MACROD2: variants seen among roughly 807,000 people sequenced by gnomAD.
The protein encoded by MACROD2 is ADP-ribose glycohydrolase MACROD2.
MACROD2 carries 36 observed loss-of-function variants against 70.4 expected under a neutral mutation model. The ratio of observed to expected loss-of-function variants is 0.51; its 90% confidence interval spans 0.39 to 0.68. The LOEUF is 0.68. MACROD2 is among the 30% of genes least tolerant of loss of function. The pLI is 0.00. For synonymous variants in MACROD2, 172 were observed against 178.8 expected, an observed-to-expected ratio of 0.96 and a Z score of 0.30; for missense variants, 496 against 538.4, an observed-to-expected ratio of 0.92 and a Z score of 0.78.
At chr20:15,684,670 G>C (rs1196841123) in intron 8 of MACROD2, among the ~76,000 whole-genome samples, 3 of 152,208 alleles carry the variant, frequency 2.0e-5, no homozygotes, top group Admixed American at 2.0e-4. Flanking sequence ...TGTGAGCTGG[G>C]TTAGAATCCA....
chr20:15,199,820 A>T (rs1282577960), intron 5 of MACROD2, among the ~76,000 whole-genome samples: 1 of 152,238 alleles, frequency 6.6e-6, no homozygotes, highest in Non-Finnish European at 1.5e-5. Flanking sequence ...TAACAGAAAC[A>T]AAAAGTAGCC....
chr20:14,670,187 A>C (rs1166964493), intron 4 of MACROD2, among the ~76,000 whole-genome samples: 1 of 152,068 alleles, frequency 6.6e-6, no homozygotes, highest in East Asian at 1.9e-4. Context: ...TTTGCCTGAA[A>C]ATCCCTGTCA....
intron 5 of MACROD2, among the ~76,000 whole-genome samples, chr20:14,855,613 T>TG (rs1477343106): frequency 6.8e-6 from 1 of 147,660 alleles, no homozygotes; most frequent in African/African-American, 2.5e-5. Flanking sequence ...TTTTTTTTTT[T>TG]TTTTTTTTTT....
intron 5 of MACROD2, among the ~76,000 whole-genome samples, chr20:15,194,019 G>T (rs1475172692): frequency 2.0e-5 from 3 of 152,002 alleles, no homozygotes; most frequent in African/African-American, 4.8e-5. Flanking sequence ...GCCAAGGCAG[G>T]CAGATCACCT....
At chr20:14,043,899 T>A (rs1012745241) in intron 2 of MACROD2, among the ~76,000 whole-genome samples, 1 of 152,192 alleles carries the variant, frequency 6.6e-6, no homozygotes, top group Non-Finnish European at 1.5e-5. Flanking sequence ...CCAGGATCCA[T>A]GGGCGAAAAC....
intron 8 of MACROD2, among the ~76,000 whole-genome samples, chr20:15,504,240 C>G (rs2047398231): frequency 6.6e-6 from 1 of 152,082 alleles, no homozygotes; most frequent in Non-Finnish European, 1.5e-5. Context: ...TACCCAAAGT[C>G]TGAACTCCAA....
intron 3 of MACROD2, among the ~76,000 whole-genome samples, chr20:14,259,992 G>C (rs2082089249): frequency 6.6e-6 from 1 of 152,186 alleles, no homozygotes; most frequent in Non-Finnish European, 1.5e-5. Flanking sequence ...AGTGTGCTTT[G>C]CTCTTGCCAA....
Position 14,789,460 on chromosome 20 carries a change from A to ATTTTTTTTTT in MACROD2, c.418+104524_418+104533dup, listed in dbSNP as rs3045609. ...CTTGTGGATTAATCAGGTAGTGCAA[A>ATTTTTTTTTT]TTTTTTTTTTTTTTTTTTTTTTTTT... On this transcript the variant is annotated intron_variant, in intron 5 of 17. Coordinates refer to ENST00000684519, the MANE Select transcript of MACROD2 (RefSeq NM_001351661.2). Among the ~76,000 whole-genome samples the ATTTTTTTTTT allele has an allele frequency of 4.7e-3, 228 of 48,340 alleles. 51 individuals carry two copies. Among genetic ancestry groups the ATTTTTTTTTT allele is most frequent in the Middle Eastern group, 0.023 (1 of 44 alleles). The allele number at this position is 48,340 out of a possible 152,430, so 31.7% of individuals were successfully genotyped here.
chr20:15,001,111 C>T (rs540081755), intron 5 of MACROD2, among the ~76,000 whole-genome samples: 97 of 152,074 alleles, frequency 6.4e-4, no homozygotes, highest in Admixed American at 2.9e-3. Context: ...GGGTTCTGGA[C>T]GGAGAAGGTT....
At chr20:15,330,904 C>T (rs6079757) in intron 6 of MACROD2, among the ~76,000 whole-genome samples, 42,196 of 151,474 alleles carry the variant, frequency 0.28, 7,129 homozygotes, top group Non-Finnish European at 0.38. Flanking sequence ...GATGGGCCCA[C>T]GTGTCTTCTG....
chr20:14,837,954 A>G (rs1227152989), intron 5 of MACROD2, among the ~76,000 whole-genome samples: 1 of 151,820 alleles, frequency 6.6e-6, no homozygotes, highest in Non-Finnish European at 1.5e-5. Context: ...ACAAAACAAA[A>G]CAAAACAAAA....
At chr20:15,379,779 C>T (rs1046899305) in intron 6 of MACROD2, among the ~76,000 whole-genome samples, 1 of 152,148 alleles carries the variant, frequency 6.6e-6, no homozygotes, top group Non-Finnish European at 1.5e-5. Flanking sequence ...TCCTCTAACT[C>T]AATCTCTAAA....
intron 8 of MACROD2, among the ~76,000 whole-genome samples, chr20:15,723,992 T>C (rs140926551): frequency 9.8e-4 from 149 of 152,334 alleles, no homozygotes; most frequent in East Asian, 6.9e-3. Context: ...AGGTGTGTAA[T>C]GGTATTTCAG....
chr20:14,591,734 G>A (rs532885196), intron 4 of MACROD2, among the ~76,000 whole-genome samples: 2 of 152,182 alleles, frequency 1.3e-5, no homozygotes, highest in African/African-American at 4.8e-5. Context: ...TGCAGAGAGG[G>A]GCAATATTAT....
At chr20:15,363,813 A>G (rs2078380127) in intron 6 of MACROD2, among the ~76,000 whole-genome samples, 1 of 152,240 alleles carries the variant, frequency 6.6e-6, no homozygotes, top group Admixed American at 6.5e-5. Context: ...CAGTATTTTT[A>G]TAGCACTTTA....
chr20:15,303,705 A>G (rs2077668920), intron 6 of MACROD2, among the ~76,000 whole-genome samples: 2 of 152,202 alleles, frequency 1.3e-5, no homozygotes, highest in South Asian at 4.1e-4. Flanking sequence ...TTACAGAGTA[A>G]CATTCTCACT....
At chr20:14,016,338 GGT>G (rs370293406) in intron 2 of MACROD2, among the ~76,000 whole-genome samples, 15 of 152,224 alleles carry the variant, frequency 9.9e-5, no homozygotes, top group African/African-American at 3.6e-4. Context: ...ATTATTTGCA[GGT>G]GTTTTCTCAC....
intron 8 of MACROD2, among the ~76,000 whole-genome samples, chr20:15,724,164 G>A (rs1271341501): frequency 6.6e-6 from 1 of 151,992 alleles, no homozygotes; most frequent in Admixed American, 6.6e-5. Flanking sequence ...TGTATATTTT[G>A]GATGATAGTC....
chr20:14,405,502 A>T (rs2083682255), intron 3 of MACROD2, among the ~76,000 whole-genome samples: 2 of 152,272 alleles, frequency 1.3e-5, no homozygotes. Flanking sequence ...CTATTGGAGG[A>T]CTTTGTCCTA....
Sources: allele counts gnomAD v4.1 joint callset (sites outside exome capture counted in the v4.1 genomes callset), GRCh38; gene constraint gnomAD v4.1.1; transcripts MANE v1.5; gene names NCBI Gene and HGNC (gene_info 2026-07-23, HGNC 2026-07-21).